ZMIZ1: variants seen among roughly 807,000 people sequenced by gnomAD.
ZMIZ1 encodes zinc finger MIZ domain-containing protein 1.
In ZMIZ1, 17 loss-of-function variants were observed where a neutral mutation model predicts 113.9. The ratio of observed to expected loss-of-function variants is 0.15; its 90% CI spans 0.10 to 0.22. ZMIZ1 has a LOEUF of 0.22. Ranked by LOEUF, ZMIZ1 falls within the 10% of genes least tolerant of loss-of-function variation. The pLI is 1.00. For synonymous variants in ZMIZ1, 607 were observed against 603.1 expected (o/e 1.01, Z -0.09); for missense variants, 1,059 against 1,477.8 (o/e 0.72, Z 4.65).
intron 7 of ZMIZ1, among the ~76,000 whole-genome samples, chr10:79,241,583 A>T (rs1849833670): frequency 6.6e-6 from 1 of 152,080 alleles, no homozygotes; most frequent in Non-Finnish European, 1.5e-5. Flanking sequence ...GTTATGAAGT[A>T]CGAATTAATC....
intron 1 of ZMIZ1, among the ~76,000 whole-genome samples, chr10:79,080,509 A>C (rs1455477808): frequency 2.6e-5 from 4 of 151,870 alleles, no homozygotes; most frequent in Non-Finnish European, 4.4e-5. Context: ...GGGTTTTGCC[A>C]TATTGGCCAG....
intron 1 of ZMIZ1, among the ~76,000 whole-genome samples, chr10:79,083,479 A>G (rs1277880191): frequency 6.6e-6 from 1 of 152,154 alleles, no homozygotes; most frequent in African/African-American, 2.4e-5. Context: ...AGGGACAGAG[A>G]GCCTTATCAA....
chr10:79,136,164 G>A (rs1216525099), intron 2 of ZMIZ1, among the ~76,000 whole-genome samples: 1 of 152,190 alleles, frequency 6.6e-6, no homozygotes, highest in Non-Finnish European at 1.5e-5. Context: ...ACTCTCAGGG[G>A]ACCCTCAGGA....
chr10:79,212,947 G>A (rs997565337), intron 6 of ZMIZ1, among the ~76,000 whole-genome samples: 10 of 152,182 alleles, frequency 6.6e-5, no homozygotes, highest in East Asian at 1.9e-4. Context: ...TGTCTGTGGC[G>A]TGAGGCTGGG....
intron 1 of ZMIZ1, among the ~76,000 whole-genome samples, chr10:79,095,911 C>A (rs1298906598): frequency 6.6e-6 from 1 of 152,228 alleles, no homozygotes; most frequent in Admixed American, 6.5e-5. Flanking sequence ...TACGTGTGGC[C>A]ATCTAGGGAT....
At chr10:79,198,555 G>A (rs1338108011) in intron 4 of ZMIZ1, among the ~76,000 whole-genome samples, 5 of 152,122 alleles carry the variant, frequency 3.3e-5, no homozygotes, top group Non-Finnish European at 7.4e-5. Context: ...GGGTGAGGGT[G>A]GAAGAAATAA....
intron 3 of ZMIZ1, among the ~76,000 whole-genome samples, chr10:79,157,368 G>GTGT (rs1845939114): frequency 6.8e-6 from 1 of 147,604 alleles, no homozygotes; most frequent in Non-Finnish European, 1.5e-5. Flanking sequence ...AGGCATAAGG[G>GTGT]GTGTGTGTGT....
intron 4 of ZMIZ1, among the ~76,000 whole-genome samples, chr10:79,195,465 G>A (rs1306054821): frequency 2.6e-5 from 4 of 152,256 alleles, no homozygotes; most frequent in African/African-American, 7.2e-5. Flanking sequence ...GGGCCAGGCC[G>A]ACAGTGATCT....
intron 5 of ZMIZ1, among the ~76,000 whole-genome samples, chr10:79,206,947 G>C (rs1848340883): frequency 6.6e-6 from 1 of 152,176 alleles, no homozygotes; most frequent in Non-Finnish European, 1.5e-5. Context: ...CTACATTGTA[G>C]CAACAGTCAC....
chr10:79,166,515 C>CTATG (rs1846354625), intron 4 of ZMIZ1, among the ~76,000 whole-genome samples: 1 of 152,228 alleles, frequency 6.6e-6, no homozygotes, highest in Non-Finnish European at 1.5e-5. Context: ...GTGCAGGCTG[C>CTATG]TAGCCCACCC....
At chr10:79,164,953 G>C (rs138827595) in intron 4 of ZMIZ1, among the ~76,000 whole-genome samples, 91 of 152,270 alleles carry the variant, frequency 6.0e-4, no homozygotes, top group Admixed American at 1.3e-3. Flanking sequence ...AGGCGCTGAG[G>C]CACCAGTGCC....
At chr10:79,105,617 C>CAG (rs1261484329) in intron 1 of ZMIZ1, among the ~76,000 whole-genome samples, 1 of 152,206 alleles carries the variant, frequency 6.6e-6, no homozygotes, top group African/African-American at 2.4e-5. Context: ...CTCTTTTCAA[C>CAG]AGAGAGCACC....
At chr10:79,286,731 C>T (rs945474753) in intron 8 of ZMIZ1, among the ~76,000 whole-genome samples, 12 of 152,366 alleles carry the variant, frequency 7.9e-5, no homozygotes, top group South Asian at 4.1e-4. Flanking sequence ...AGCTGGTTTC[C>T]GCCCACAAGG....
chr10:79,233,767 A>G (rs1329276982), intron 7 of ZMIZ1, among the ~76,000 whole-genome samples: 5 of 143,404 alleles, frequency 3.5e-5, no homozygotes, highest in African/African-American at 1.3e-4. Flanking sequence ...GAAAAGCCCA[A>G]AGATTGGTAG....
chr10:79,207,450 G>A (rs1848360835), intron 5 of ZMIZ1, among the ~76,000 whole-genome samples: 1 of 152,212 alleles, frequency 6.6e-6, no homozygotes, highest in African/African-American at 2.4e-5. Flanking sequence ...CCAACTCAGA[G>A]GGCCTGAGGA....
At chr10:79,263,911 G>A (rs992870586) in intron 7 of ZMIZ1, among the ~76,000 whole-genome samples, 4 of 152,190 alleles carry the variant, frequency 2.6e-5, no homozygotes, top group East Asian at 3.9e-4. Flanking sequence ...CAGCTAAACT[G>A]CCTACACCCA....
At chr10:79,221,693 G>T (rs1310902960) in intron 7 of ZMIZ1, among the ~76,000 whole-genome samples, 1 of 152,246 alleles carries the variant, frequency 6.6e-6, no homozygotes, top group Non-Finnish European at 1.5e-5. Flanking sequence ...AGAGCCTTCT[G>T]CCTGTCTCAG....
Position 79,230,085 on chromosome 10 carries a change from G to A in ZMIZ1, c.280+13811G>A, listed in dbSNP as rs181302118. The stretch of plus-strand genomic sequence containing the variant: ...CTGTGTGGGGACGCTGCCCTCCTCC[G>A]TAGGTTGCCCTGGGAGGCTCCGGCC... On this transcript the variant is annotated intron_variant, in intron 7 of 24. Coordinates refer to ENST00000334512, the MANE Select transcript of ZMIZ1 (RefSeq NM_020338.4). Among the ~76,000 whole-genome samples the A allele has an allele frequency of 9.9e-3, 1,501 of 152,244 alleles. 11 individuals are homozygous for A. The highest frequency in any genetic ancestry group is 0.014 in the Non-Finnish European group (959 of 68,004).
At chr10:79,247,443 G>A (rs1432226380) in intron 7 of ZMIZ1, among the ~76,000 whole-genome samples, 1 of 152,200 alleles carries the variant, frequency 6.6e-6, no homozygotes, top group Non-Finnish European at 1.5e-5. Context: ...AGTACTGGGC[G>A]TGAGGACCCC....
Sources: gnomAD v4.1 joint callset for allele counts (sites outside exome capture counted in the v4.1 genomes callset) on GRCh38, gnomAD v4.1.1 for gene constraint, MANE v1.5 for transcripts, NCBI Gene and HGNC (gene_info 2026-07-23, HGNC 2026-07-21) for gene names.